Variants in ZNF385A observed in about 807,000 individuals in gnomAD.
The protein encoded by ZNF385A is hematopoietic zinc finger protein.
ZNF385A carries 14 observed loss-of-function variants against 32.1 expected under a neutral mutation model. The observed-to-expected ratio is 0.44, with a 90% CI of 0.29 to 0.68. The LOEUF is 0.68. Among genes scored for constraint, ZNF385A ranks in the 30% least tolerant of loss-of-function variants. The probability of loss-of-function intolerance (pLI) is 0.14; values close to 1 mark genes in which losing one functional copy is unlikely to be tolerated. For synonymous variants in ZNF385A, 197 were observed against 202.7 expected (o/e 0.97, Z 0.24); for missense variants, 406 against 478.4 (o/e 0.85, Z 1.41).
chr12:54,384,519 G>A lies in ZNF385A; in HGVS notation c.-5C>T, dbSNP rs868448104. 1.4e-5 allele frequency: 22 copies of A among 1,524,570 alleles called. No individual in the cohort carries two copies. Among genetic ancestry groups the A allele is most frequent in the South Asian group, 2.5e-5 (2 of 80,166 alleles). The allele number at this position is 1,524,570 out of a possible 1,614,324, so 94.4% of individuals were successfully genotyped here. A position where few individuals can be genotyped will look rare whatever the true frequency, so the allele number is the denominator to read the frequency against. On this transcript the variant is annotated 5_prime_UTR_variant, in exon 1 of 7. Transcript: ENST00000394313. ...GAGGTCCAGTGGGGGCTGCATGATCGGGGGCTGCCGTAGCAGAGGCAGGGG... is the reference window on the plus strand; with the variant it reads ...GAGGTCCAGTGGGGGCTGCATGATCAGGGGCTGCCGTAGCAGAGGCAGGGG...
In ZNF385A at chr12:54,384,428, G is replaced by A. The variant is rs146947705; in HGVS notation, c.87C>T (p.Thr29=). The A allele has an allele frequency of 7.3e-3, 11,485 of 1,582,732 alleles. 62 individuals are homozygous for A. The highest frequency in any genetic ancestry group is 9.5e-3 in the Middle Eastern group (57 of 5,994). ...PTLGLFSNYS[T]MDPVQKAVLS... Reference sequence around the variant, plus strand: ...AGAAGGCAGGCAGGCTGCTACTTACGGTGCTGTAGTTGCTGAAGAGGCCAA... The same window carrying A: ...AGAAGGCAGGCAGGCTGCTACTTACAGTGCTGTAGTTGCTGAAGAGGCCAA... Residue 29 remains threonine, a splice_region_variant and synonymous_variant, in exon 1 of 7, where the codon ACC becomes ACT. Coordinates refer to ENST00000394313, the MANE Select transcript of ZNF385A (RefSeq NM_015481.3).
chr12:54,383,889 G>A (rs926533144), intron 1 of ZNF385A, among the ~76,000 whole-genome samples: 6 of 152,138 alleles, frequency 3.9e-5, no homozygotes, highest in African/African-American at 7.2e-5. Flanking sequence ...GTGAGACTCC[G>A]TCTCATAAAA....
At chr12:54,381,890 A>G (rs987443614) in intron 1 of ZNF385A, among the ~76,000 whole-genome samples, 3 of 152,086 alleles carry the variant, frequency 2.0e-5, no homozygotes, top group Non-Finnish European at 4.4e-5. Context: ...GCTTCCATGC[A>G]AGCAAAATGC....
chr12:54,385,593 C>T (rs1444079023), upstream of ZNF385A: 2 of 975,732 alleles, frequency 2.0e-6, no homozygotes, highest in Non-Finnish European at 2.4e-6. Context: ...CGTGCTTGGC[C>T]CGTCCTCCCT....
chr12:54,373,857 G>C, intron 3 of ZNF385A, 116 bp downstream of exon 3: 1 of 1,152,562 alleles, frequency 8.7e-7, no homozygotes. Flanking sequence ...TTGGGTGGGG[G>C]TGGGGGTATA....
intron 1 of ZNF385A, among the ~76,000 whole-genome samples, chr12:54,383,513 C>T (rs1261063590): frequency 6.6e-6 from 1 of 152,260 alleles, no homozygotes; most frequent in Non-Finnish European, 1.5e-5. Context: ...TAACTGTCAC[C>T]TTCCTCCTGC....
chr12:54,389,270 C>T (rs1294891240), upstream of ZNF385A, among the ~76,000 whole-genome samples: 1 of 152,174 alleles, frequency 6.6e-6, no homozygotes, highest in African/African-American at 2.4e-5. Context: ...GGTCCCTCCA[C>T]GGCTACCATG....
At chr12:54,386,368 G>C (rs1444232022), upstream of ZNF385A, among the ~76,000 whole-genome samples, 2 of 152,112 alleles carry the variant, frequency 1.3e-5, no homozygotes, top group African/African-American at 4.8e-5. Flanking sequence ...GAGAGACACT[G>C]CCGAAAAGCT....
At chr12:54,390,418 A>AG (rs1480804973) in intron 1 of ZNF385A, among the ~76,000 whole-genome samples, 12 of 151,956 alleles carry the variant, frequency 7.9e-5, no homozygotes, top group Non-Finnish European at 1.3e-4. Context: ...GCCCAGCAGG[A>AG]GTTCCCATCC....
At chr12:54,383,162 C>T (rs1357374981) in intron 1 of ZNF385A, among the ~76,000 whole-genome samples, 1 of 150,754 alleles carries the variant, frequency 6.6e-6, no homozygotes, top group Non-Finnish European at 1.5e-5. Context: ...AAGACTACAT[C>T]TCAAAAACAA....
At position 54,376,254 on chromosome 12, in the gene ZNF385A, C is replaced by G. The variant is rs577132026; in HGVS notation, c.88-300G>C. Among the ~76,000 whole-genome samples, 5 of 152,232 alleles carry G rather than the reference C, an allele frequency of 3.3e-5. No homozygotes were observed. In the East Asian group the frequency reaches 7.7e-4, roughly 24 times the overall value. Reference sequence around the variant, plus strand: ...TCTGAACCTGGATTCCTGCCTTGGTCCATCATACCATGAACATACAACTGT... The same window carrying G: ...TCTGAACCTGGATTCCTGCCTTGGTGCATCATACCATGAACATACAACTGT... On this transcript the variant is annotated intron_variant, in intron 1 of 6. Coordinates refer to ENST00000394313, the MANE Select transcript of ZNF385A (RefSeq NM_015481.3).
chr12:54,388,046 A>AGTGTGT (rs10665764), upstream of ZNF385A, among the ~76,000 whole-genome samples: 3,863 of 140,498 alleles, frequency 0.027, 76 homozygotes, highest in African/African-American at 0.053. Flanking sequence ...AGTGTGTGTA[A>AGTGTGT]GTGTGTGTGT....
upstream of ZNF385A, among the ~76,000 whole-genome samples, chr12:54,387,276 CG>C (rs1360342458): frequency 6.6e-6 from 1 of 151,694 alleles, no homozygotes; most frequent in Non-Finnish European, 1.5e-5. Context: ...CCTGGGTGAG[CG>C]GGGGAGGGGA....
intron 2 of ZNF385A, among the ~76,000 whole-genome samples, chr12:54,374,675 G>C (rs1010732091): frequency 1.3e-5 from 2 of 152,090 alleles, no homozygotes; most frequent in Non-Finnish European, 2.9e-5. Flanking sequence ...CCCTGGCCCC[G>C]AGCCCAGCTC....
upstream of ZNF385A, among the ~76,000 whole-genome samples, chr12:54,386,893 C>T (rs1170952850): frequency 6.6e-6 from 1 of 152,132 alleles, no homozygotes. Flanking sequence ...AATGAAGTAG[C>T]CATGATTCAA....
intron 4 of ZNF385A, 95 bp downstream of exon 4, chr12:54,371,378 T>C (rs1265050730): frequency 6.7e-7 from 1 of 1,491,832 alleles, no homozygotes; most frequent in Non-Finnish European, 9.0e-7. Flanking sequence ...AGGTCTTAGA[T>C]GGTCTAGGGA....
chr12:54,388,526 G>A (rs77379306), upstream of ZNF385A, among the ~76,000 whole-genome samples: 728 of 152,324 alleles, frequency 4.8e-3, 6 homozygotes, highest in African/African-American at 0.017. Flanking sequence ...AGGAATAGGA[G>A]CCAGGAAAGG....
At chr12:54,389,968 G>A (rs1955592838) in intron 1 of ZNF385A, among the ~76,000 whole-genome samples, 1 of 152,110 alleles carries the variant, frequency 6.6e-6, no homozygotes. Flanking sequence ...ACAGGAGGAG[G>A]AGAGAAAAAG....
At chr12:54,387,191 G>C (rs1343007337), upstream of ZNF385A, among the ~76,000 whole-genome samples, 1 of 152,208 alleles carries the variant, frequency 6.6e-6, no homozygotes, top group Non-Finnish European at 1.5e-5. Context: ...TCCTCCAGAG[G>C]AGGGATAGAG....
Sources: allele counts gnomAD v4.1 joint callset (sites outside exome capture counted in the v4.1 genomes callset), GRCh38; gene constraint gnomAD v4.1.1; transcripts MANE v1.5; gene names NCBI Gene and HGNC (gene_info 2026-07-23, HGNC 2026-07-21).